Variants in ACKR2 observed in about 807,000 individuals in gnomAD.
ACKR2 encodes the protein C-C chemokine receptor D6.
For missense variants in ACKR2, 457 were observed against 477.3 expected (o/e 0.96, Z 0.40); for synonymous variants, 207 against 192.2 (o/e 1.08, Z -0.64).
At chr3:42,851,214 C>T (rs1480887707) in intron 2 of ACKR2, 1 of 252,320 alleles carries the variant, frequency 4.0e-6, no homozygotes. Context: ...GAGCTTGACT[C>T]TTATCAATGA....
At chr3:42,864,073 C>A (rs1433610202) in intron 2 of ACKR2, among the ~76,000 whole-genome samples, 1 of 152,088 alleles carries the variant, frequency 6.6e-6, no homozygotes, top group Non-Finnish European at 1.5e-5. Context: ...ATAAACCATA[C>A]ATGAGGAAGG....
chr3:42,861,908 A>G (rs1184246714), intron 2 of ACKR2, among the ~76,000 whole-genome samples: 2 of 152,248 alleles, frequency 1.3e-5, no homozygotes, highest in Non-Finnish European at 1.5e-5. Context: ...CCAATATCAT[A>G]CTGAATGGGC....
chr3:42,865,377 A>G lies in ACKR2; in HGVS notation c.875A>G (p.Tyr292Cys), dbSNP rs2088425646. Residue 292 changes from tyrosine to cysteine, a missense_variant, in exon 3 of 3, where the codon TAC (tyrosine) becomes TGC (cysteine). Physicochemically the swap from Tyr to Cys is radical, Grantham distance 194. Coordinates refer to ENST00000422265, the MANE Select transcript of ACKR2 (RefSeq NM_001296.5). ...TGTGAGGTCAGCCAGCATCTAGACTACGCACTCCAGGTAACAGAGAGCATC... is the reference window on the plus strand; with the variant it reads ...TGTGAGGTCAGCCAGCATCTAGACTGCGCACTCCAGGTAACAGAGAGCATC... ...GNCEVSQHLDYALQVTESIAF... is the reference protein window; with the variant it reads ...GNCEVSQHLDCALQVTESIAF... 5.6e-6 allele frequency: 9 copies of G among 1,614,044 alleles called. No homozygotes were observed. The highest frequency in any genetic ancestry group is 1.3e-5 in the African/African-American group (1 of 74,894).
intron 2 of ACKR2, among the ~76,000 whole-genome samples, chr3:42,862,402 G>A (rs528287138): frequency 1.2e-4 from 18 of 152,262 alleles, no homozygotes; most frequent in African/African-American, 4.3e-4. Flanking sequence ...TCATGGATAG[G>A]AAAAATGAAT....
At chr3:42,864,408 A>G in intron 2 of ACKR2, 58 bp from the exon 3 acceptor site, 4 of 1,474,344 alleles carry the variant, frequency 2.7e-6, no homozygotes, top group Non-Finnish European at 2.7e-6. Flanking sequence ...GGCAGCAGCA[A>G]AAGTGGGTTT....
intron 2 of ACKR2, among the ~76,000 whole-genome samples, chr3:42,849,873 A>G (rs1348884167): frequency 6.6e-6 from 1 of 152,206 alleles, no homozygotes; most frequent in Non-Finnish European, 1.5e-5. Context: ...TATTAAATGT[A>G]TAAAATACAT....
At chr3:42,847,512 G>A (rs1701110746) in intron 2 of ACKR2, among the ~76,000 whole-genome samples, 1 of 152,216 alleles carries the variant, frequency 6.6e-6, no homozygotes, top group Admixed American at 6.5e-5. Flanking sequence ...GGAATTCAAA[G>A]TTTTAAGGCC....
chr3:42,857,556 G>C (rs1282224053), intron 2 of ACKR2, among the ~76,000 whole-genome samples: 1 of 152,116 alleles, frequency 6.6e-6, no homozygotes. Context: ...GACAGGCACT[G>C]TTATTATTTT....
At chr3:42,823,415 C>T (rs558230679) in intron 2 of ACKR2, among the ~76,000 whole-genome samples, 3 of 152,284 alleles carry the variant, frequency 2.0e-5, no homozygotes, top group African/African-American at 7.2e-5. Context: ...TCTGGGAGAT[C>T]AGGGTGTGAC....
intron 2 of ACKR2, among the ~76,000 whole-genome samples, chr3:42,838,232 A>T (rs1701003645): frequency 6.6e-6 from 1 of 152,210 alleles, no homozygotes; most frequent in Admixed American, 6.5e-5. Flanking sequence ...TCTTCAAAAG[A>T]CACTAAGAGA....
chr3:42,816,991 C>T (rs1405238350), intron 1 of ACKR2, among the ~76,000 whole-genome samples: 5 of 152,280 alleles, frequency 3.3e-5, no homozygotes, highest in South Asian at 2.1e-4. Context: ...AGTCAAAAGA[C>T]ACGGCTTTGA....
chr3:42,856,122 C>T (rs142115354), intron 2 of ACKR2: 5,858 of 443,656 alleles, frequency 0.013, 48 homozygotes, highest in Non-Finnish European at 0.019. Flanking sequence ...GAGTTGAAGG[C>T]CAGGAGGCCC....
rs2088323886 is a variant in ACKR2 at position 42,856,559 on chromosome 3, T to G, written c.-37-7907T>G. On this transcript the variant is annotated intron_variant, in intron 2 of 2. Transcript: ENST00000422265. ...AAAAAAGCTAACATCCTCACTATTA[T>G]AAGACCTCATAAAATGAGCATCCCA... 3 of 576,970 alleles carry G rather than the reference T, an allele frequency of 5.2e-6. No homozygotes were observed. The African/African-American group carries it at 5.7e-5, about 11-fold the overall frequency. 35.7% of individuals were successfully genotyped at this position (576,970 alleles called of 1,614,324 possible).
chr3:42,829,717 C>T (rs529477185), intron 2 of ACKR2, among the ~76,000 whole-genome samples: 2 of 152,202 alleles, frequency 1.3e-5, no homozygotes, highest in African/African-American at 4.8e-5. Context: ...GACCTCTTGA[C>T]CATCAACCCC....
chr3:42,840,152 C>T (rs917144370), intron 2 of ACKR2, among the ~76,000 whole-genome samples: 1 of 142,610 alleles, frequency 7.0e-6, no homozygotes, highest in Non-Finnish European at 1.5e-5. Context: ...CCCAGCTACT[C>T]GGGAGACTGA....
At chr3:42,809,713 T>G (rs1192887756) in intron 1 of ACKR2, among the ~76,000 whole-genome samples, 181 bp downstream of exon 1, 1 of 151,836 alleles carries the variant, frequency 6.6e-6, no homozygotes, top group Admixed American at 6.6e-5. Flanking sequence ...AATACAAAAA[T>G]TAGCCAGGCG....
At chr3:42,836,593 G>A (rs1700989815) in intron 2 of ACKR2, among the ~76,000 whole-genome samples, 1 of 152,182 alleles carries the variant, frequency 6.6e-6, no homozygotes, top group Non-Finnish European at 1.5e-5. Flanking sequence ...TGACTCTGTG[G>A]GGCTCTAGAC....
chr3:42,832,918 C>G (rs1186506790), intron 2 of ACKR2, among the ~76,000 whole-genome samples: 2 of 151,736 alleles, frequency 1.3e-5, no homozygotes, highest in Non-Finnish European at 2.9e-5. Flanking sequence ...GGCTGGAGTA[C>G]AGTGGCACAA....
chr3:42,811,802 T>C (rs897869798), intron 1 of ACKR2, among the ~76,000 whole-genome samples: 1 of 152,174 alleles, frequency 6.6e-6, no homozygotes, highest in Non-Finnish European at 1.5e-5. Context: ...GCAGCAATGC[T>C]GCTCTGTTAC....
Sources: allele counts gnomAD v4.1 joint callset (sites outside exome capture counted in the v4.1 genomes callset), GRCh38; gene constraint gnomAD v4.1.1; transcripts MANE v1.5; gene names NCBI Gene and HGNC (gene_info 2026-07-23, HGNC 2026-07-21).